Variants in RBFOX1 observed in about 807,000 individuals in gnomAD.
The protein encoded by RBFOX1 is RNA binding fox-1 homolog 1, also known as RNA binding protein fox-1 homolog 1.
A neutral mutation model predicts 57.7 loss-of-function variants in RBFOX1; 8 were observed. That is an observed-to-expected ratio of 0.14 (90% CI 0.08 to 0.25). The LOEUF (loss-of-function observed/expected upper bound fraction) is 0.25. Ranked by LOEUF, RBFOX1 falls within the 10% of genes least tolerant of loss-of-function variation. The pLI, the probability that RBFOX1 is intolerant of heterozygous loss-of-function variation, is 1.00. For synonymous variants in RBFOX1, 326 were observed against 222.4 expected (o/e 1.47, Z -4.15); for missense variants, 611 against 548.5 (o/e 1.11, Z -1.14).
At chr16:7,059,452 T>C (rs2053561903) in intron 4 of RBFOX1, among the ~76,000 whole-genome samples, 2 of 152,314 alleles carry the variant, frequency 1.3e-5, no homozygotes, top group Admixed American at 6.5e-5. Flanking sequence ...AGAGGTATAA[T>C]AATATACTAA....
Position 5,872,240 on chromosome 16 carries a change from C to T in RBFOX1, c.351+4905C>T, listed in dbSNP as rs142336767. Among the ~76,000 whole-genome samples the T allele has an allele frequency of 4.9e-4, 75 of 152,290 alleles. 1 individual carries two copies. The South Asian group carries it at 0.011, about 22-fold the overall frequency. On this transcript the variant is annotated intron_variant, in intron 4 of 19. Coordinates refer to the RBFOX1 transcript ENST00000641259. ...GCACATTTAACAAGGGTCTGTTGAG[C>T]TGTTTCATCAAGAAGGTTACAGTGG...
chr16:5,458,001 C>T (rs2068681674), intron 1 of RBFOX1, among the ~76,000 whole-genome samples: 1 of 152,102 alleles, frequency 6.6e-6, no homozygotes, highest in Non-Finnish European at 1.5e-5. Flanking sequence ...GAATAGCCTC[C>T]CCTCTTTGCT....
intron 2 of RBFOX1, among the ~76,000 whole-genome samples, chr16:6,515,892 C>T (rs2096367574): frequency 6.6e-6 from 1 of 152,178 alleles, no homozygotes; most frequent in South Asian, 2.1e-4. Context: ...GTCAGCTTTG[C>T]ATAATTTTCC....
chr16:7,656,485 C>A (rs974333130), intron 12 of RBFOX1, among the ~76,000 whole-genome samples: 1 of 151,872 alleles, frequency 6.6e-6, no homozygotes, highest in Non-Finnish European at 1.5e-5. Flanking sequence ...AGAGCAAGAA[C>A]CCCTATGTTG....
chr16:6,096,389 C>G (rs191934064), intron 1 of RBFOX1, among the ~76,000 whole-genome samples: 3 of 152,144 alleles, frequency 2.0e-5, no homozygotes, highest in African/African-American at 7.2e-5. Flanking sequence ...TGTTTGCTCT[C>G]GACATTTATT....
At chr16:7,612,043 C>T (rs897098202) in intron 10 of RBFOX1, among the ~76,000 whole-genome samples, 9 of 152,064 alleles carry the variant, frequency 5.9e-5, no homozygotes, top group East Asian at 1.9e-4. Context: ...AATGATTTGC[C>T]GGGCGCGGTG....
At chr16:6,477,088 G>A (rs1455679614) in intron 2 of RBFOX1, among the ~76,000 whole-genome samples, 1 of 152,114 alleles carries the variant, frequency 6.6e-6, no homozygotes, top group African/African-American at 2.4e-5. Flanking sequence ...CACATTTCCA[G>A]GTTCTTCCTC....
chr16:7,698,022 G>C (rs146805933), intron 14 of RBFOX1, among the ~76,000 whole-genome samples: 1 of 152,130 alleles, frequency 6.6e-6, no homozygotes, highest in Non-Finnish European at 1.5e-5. Context: ...AGCATGTTGC[G>C]TATTAGGGAA....
At chr16:5,386,650 A>G (rs1567429565) in intron 1 of RBFOX1, among the ~76,000 whole-genome samples, 1 of 151,466 alleles carries the variant, frequency 6.6e-6, no homozygotes, top group Non-Finnish European at 1.5e-5. Flanking sequence ...TGCTCTTTTC[A>G]CCTTTACCCC....
intron 2 of RBFOX1, among the ~76,000 whole-genome samples, chr16:5,489,510 T>C (rs7196880): frequency 0.82 from 124,767 of 152,250 alleles, 51,219 homozygotes; most frequent in East Asian, 0.89. Context: ...GGCAGGATGA[T>C]GTCCTTGTTT....
Position 5,456,227 on chromosome 16 carries a change from G to T in RBFOX1, c.220-10989G>T, listed in dbSNP as rs149404490. The stretch of plus-strand genomic sequence containing the variant: ...AAAATGTTGAAATGTCATTTCAACA[G>T]CTTGCATAATATTCAATGATATGAA... On this transcript the variant is annotated intron_variant, in intron 1 of 2. Transcript: ENST00000585867. Among the ~76,000 whole-genome samples the T allele has an allele frequency of 2.2e-4, 33 of 152,134 alleles. 2 individuals are homozygous for T. The East Asian group carries it at 6.2e-3, about 29-fold the overall frequency.
intron 3 of RBFOX1, among the ~76,000 whole-genome samples, chr16:6,836,645 G>C (rs72766794): frequency 3.3e-5 from 5 of 152,118 alleles, no homozygotes; most frequent in East Asian, 1.9e-4. Flanking sequence ...CTTTCACCCC[G>C]CTTCGGGGGT....
intron 3 of RBFOX1, among the ~76,000 whole-genome samples, chr16:6,683,212 GAGAACT>G (rs1169556980): frequency 1.3e-5 from 2 of 152,164 alleles, no homozygotes; most frequent in African/African-American, 4.8e-5. Context: ...AAAAGGGTGA[GAGAACT>G]GTTCTAAATT....
intron 14 of RBFOX1, among the ~76,000 whole-genome samples, chr16:7,680,153 G>C (rs1425126409): frequency 6.6e-6 from 1 of 152,150 alleles, no homozygotes; most frequent in Non-Finnish European, 1.5e-5. Flanking sequence ...CATCACATCA[G>C]CTTGATGAAT....
At chr16:6,980,823 A>G (rs2088576803) in intron 3 of RBFOX1, among the ~76,000 whole-genome samples, 1 of 152,132 alleles carries the variant, frequency 6.6e-6, no homozygotes, top group Admixed American at 6.6e-5. Flanking sequence ...CAGGCGGATC[A>G]CTTCAGGTCA....
chr16:5,430,773 G>A (rs1597034376), intron 1 of RBFOX1, among the ~76,000 whole-genome samples: 2 of 152,332 alleles, frequency 1.3e-5, no homozygotes, highest in Middle Eastern at 3.4e-3. Flanking sequence ...TTTTGCAATA[G>A]CCTTTGCAAA....
chr16:7,483,043 T>G (rs960321437), intron 4 of RBFOX1, among the ~76,000 whole-genome samples: 1 of 152,110 alleles, frequency 6.6e-6, no homozygotes, highest in African/African-American at 2.4e-5. Flanking sequence ...TGGAACACCG[T>G]GGGAGGAGAG....
intron 4 of RBFOX1, among the ~76,000 whole-genome samples, chr16:7,362,894 T>C (rs1377736679): frequency 2.6e-5 from 4 of 152,204 alleles, no homozygotes; most frequent in African/African-American, 9.7e-5. Flanking sequence ...GAGTCAGATA[T>C]TGCTGGAGTC....
At chr16:7,354,465 C>T (rs187145952) in intron 4 of RBFOX1, among the ~76,000 whole-genome samples, 37 of 152,250 alleles carry the variant, frequency 2.4e-4, no homozygotes, top group Non-Finnish European at 4.4e-4. Flanking sequence ...TTGTTAAACA[C>T]GGCCTAGCAC....
Sources: gnomAD v4.1 joint callset for allele counts (sites outside exome capture counted in the v4.1 genomes callset) on GRCh38, gnomAD v4.1.1 for gene constraint, MANE v1.5 for transcripts, NCBI Gene and HGNC (gene_info 2026-07-23, HGNC 2026-07-21) for gene names.